Variants in NF1 observed in about 807,000 individuals in gnomAD.
The protein encoded by NF1 is neurofibromin.
In NF1, 122 loss-of-function variants were observed where a neutral mutation model predicts 325.7. The ratio of observed to expected loss-of-function variants is 0.37; its 90% CI spans 0.32 to 0.44. The LOEUF (loss-of-function observed/expected upper bound fraction) is 0.44, where lower values mean the gene tolerates loss of function less well. NF1 is among the 20% of genes least tolerant of loss of function. The pLI, the probability that NF1 is intolerant of heterozygous loss-of-function variation, is 1.00. For missense variants in NF1, 2,140 were observed against 3,415.4 expected, an observed-to-expected ratio of 0.63 and a Z score of 9.31; for synonymous variants, 1,091 against 1,186.0, an observed-to-expected ratio of 0.92 and a Z score of 1.65.
rs1324260578 is a variant in NF1, at chr17:31,294,405, C to T, written c.4835+29066C>T. Among the ~76,000 whole-genome samples the T allele has an allele frequency of 3.3e-5, 5 of 152,100 alleles. No homozygotes were observed. In the South Asian group the frequency reaches 6.2e-4, roughly 19 times the overall value. On this transcript the variant is annotated intron_variant, in intron 36 of 57. Transcript: ENST00000358273. ...TCCATTATATAATCTGTCAAGTAGCCAAGAGTTCCTCAGAAGCAGGACATC... is the reference window on the plus strand; with the variant it reads ...TCCATTATATAATCTGTCAAGTAGCTAAGAGTTCCTCAGAAGCAGGACATC...
At chr17:31,320,116 T>C (rs2069142331) in intron 36 of NF1, among the ~76,000 whole-genome samples, 1 of 152,158 alleles carries the variant, frequency 6.6e-6, no homozygotes, top group Admixed American at 6.5e-5. Flanking sequence ...CATGTACTGC[T>C]AACCCAGCAG....
intron 36 of NF1, among the ~76,000 whole-genome samples, chr17:31,267,174 G>A (rs946295729): frequency 6.6e-6 from 1 of 152,020 alleles, no homozygotes; most frequent in African/African-American, 2.4e-5. Context: ...CAGGTGATCT[G>A]CCTGCCTCGG....
At chr17:31,228,852 A>C (rs1418535305) in intron 20 of NF1, among the ~76,000 whole-genome samples, 173 bp from the exon 21 acceptor site, 1 of 152,264 alleles carries the variant, frequency 6.6e-6, no homozygotes, top group African/African-American at 2.4e-5. Context: ...GTATGATAAA[A>C]ATAGATCAGT....
At chr17:31,218,482 C>T (rs750092810) in intron 13 of NF1, among the ~76,000 whole-genome samples, 43 of 152,228 alleles carry the variant, frequency 2.8e-4, no homozygotes, top group South Asian at 1.4e-3. Context: ...GTTTACAATT[C>T]AGTTGTTTTC....
At chr17:31,249,319 G>T (rs1459325991) in intron 30 of NF1, among the ~76,000 whole-genome samples, 200 bp downstream of exon 30, 1 of 152,168 alleles carries the variant, frequency 6.6e-6, no homozygotes, top group East Asian at 1.9e-4. Flanking sequence ...TGAAGTAAGA[G>T]AATACTTTAA....
At chr17:31,125,806 G>T (rs1439821323) in intron 1 of NF1, among the ~76,000 whole-genome samples, 1 of 152,142 alleles carries the variant, frequency 6.6e-6, no homozygotes. Flanking sequence ...GAAGTGCTAG[G>T]ATTACAGGCG....
rs142536426 is a variant in NF1, at chr17:31,274,286, G to A, written c.4835+8947G>A. Among the ~76,000 whole-genome samples, 20 of 152,134 alleles carry A rather than the reference G, an allele frequency of 1.3e-4. No homozygotes were observed. In the East Asian group the frequency reaches 3.3e-3, roughly 25 times the overall value. On this transcript the variant is annotated intron_variant, in intron 36 of 57. Coordinates refer to ENST00000358273, the MANE Select transcript of NF1 (RefSeq NM_001042492.3). Reference sequence around the variant, plus strand: ...AAGGAATTTTGTCTTTTGGTCAGCCGTTTTCCATGATAACTAGCATATAGG... The same window carrying A: ...AAGGAATTTTGTCTTTTGGTCAGCCATTTTCCATGATAACTAGCATATAGG...
At position 31,227,507 on chromosome 17, in the gene NF1, A is replaced by G; in HGVS notation, c.2326-16A>G. 1 of 1,613,394 alleles carries G rather than the reference A, an allele frequency of 6.2e-7. No individual in the cohort carries two copies. Among genetic ancestry groups the G allele is most frequent in the Non-Finnish European group, 8.5e-7 (1 of 1,179,498 alleles). Reference sequence around the variant, plus strand: ...TAGACTAAGTTGCTTTCAAGTGATAATTGCCTTCATTTTAGGCTTGGGAAG... The same window carrying G: ...TAGACTAAGTTGCTTTCAAGTGATAGTTGCCTTCATTTTAGGCTTGGGAAG... On this transcript the variant is annotated splice_polypyrimidine_tract_variant and intron_variant, in intron 19 of 57. Coordinates refer to ENST00000358273, the MANE Select transcript of NF1 (RefSeq NM_001042492.3).
chr17:31,256,590 C>G (rs1347417920), intron 31 of NF1, among the ~76,000 whole-genome samples: 1 of 152,148 alleles, frequency 6.6e-6, no homozygotes, highest in African/African-American at 2.4e-5. Flanking sequence ...AAAGAGGTTC[C>G]TCGTCCCCAG....
At chr17:31,123,395 T>C (rs1379797202) in intron 1 of NF1, among the ~76,000 whole-genome samples, 1 of 152,206 alleles carries the variant, frequency 6.6e-6, no homozygotes, top group Non-Finnish European at 1.5e-5. Flanking sequence ...ATTTTTAGCA[T>C]TAGCTGCATT....
Position 31,336,328 on chromosome 17 carries a change from AC to A in NF1, c.6007-4del. The A allele has an allele frequency of 6.2e-7, 1 of 1,613,932 alleles. No homozygotes were observed. The highest frequency in any genetic ancestry group is 8.5e-7 in the Non-Finnish European group (1 of 1,179,844). ...AAAAACATGTTATTTTCCTTCTTCA[AC>A]TAGATTACAGATCTGCTTGATGTTG... On this transcript the variant is annotated splice_polypyrimidine_tract_variant and splice_region_variant and intron_variant, in intron 40 of 57. Transcript: ENST00000358273. This position sits in a 1 kb window ranked among gnomAD's most constrained non-coding sequence, Gnocchi z 5.5.
At chr17:31,145,118 A>G (rs1916498258) in intron 1 of NF1, among the ~76,000 whole-genome samples, 1 of 152,190 alleles carries the variant, frequency 6.6e-6, no homozygotes, top group Admixed American at 6.5e-5. Context: ...GCCACACCCA[A>G]CATCAGATCC....
intron 36 of NF1, among the ~76,000 whole-genome samples, chr17:31,277,094 T>C (rs1462367557): frequency 2.0e-5 from 3 of 152,204 alleles, no homozygotes; most frequent in African/African-American, 7.2e-5. Flanking sequence ...TATTTACTGT[T>C]CTCTGAGTGG....
intron 36 of NF1, among the ~76,000 whole-genome samples, chr17:31,292,859 G>A (rs900378743): frequency 1.3e-5 from 2 of 151,996 alleles, no homozygotes; most frequent in African/African-American, 4.8e-5. Flanking sequence ...GGTATCCTCA[G>A]AGGAAAAGAC....
intron 5 of NF1, among the ~76,000 whole-genome samples, chr17:31,172,290 A>G (rs1421438292): frequency 1.3e-5 from 2 of 152,002 alleles, no homozygotes; most frequent in African/African-American, 4.8e-5. Flanking sequence ...TGATTGTGCC[A>G]CTGCATTCCA....
At chr17:31,148,571 A>G (rs1597617106) in intron 1 of NF1, among the ~76,000 whole-genome samples, 1 of 152,152 alleles carries the variant, frequency 6.6e-6, no homozygotes, top group Non-Finnish European at 1.5e-5. Flanking sequence ...TTGGACAGAA[A>G]TAGAAATATG....
intron 7 of NF1, among the ~76,000 whole-genome samples, chr17:31,182,015 C>G (rs1424442219): frequency 6.6e-6 from 1 of 152,134 alleles, no homozygotes; most frequent in Non-Finnish European, 1.5e-5. Flanking sequence ...AAGGTCAGAT[C>G]TTTAGAGCTG....
chr17:31,115,190 TG>T (rs964356124), intron 1 of NF1, among the ~76,000 whole-genome samples: 1 of 151,716 alleles, frequency 6.6e-6, no homozygotes, highest in Non-Finnish European at 1.5e-5. Flanking sequence ...TTCGTGGGGG[TG>T]GGGGAATGCT....
chr17:31,300,193 G>A (rs1473239255), intron 36 of NF1, among the ~76,000 whole-genome samples: 1 of 151,728 alleles, frequency 6.6e-6, no homozygotes, highest in East Asian at 1.9e-4. Flanking sequence ...AGCTTTTCAG[G>A]ATCACAAGTC....
Sources: allele counts gnomAD v4.1 joint callset (sites outside exome capture counted in the v4.1 genomes callset), GRCh38; gene constraint gnomAD v4.1.1; non-coding constraint Gnocchi (gnomAD v3.1); transcripts MANE v1.5; gene names NCBI Gene and HGNC (gene_info 2026-07-23, HGNC 2026-07-21).